NUP58: variants seen among roughly 807,000 people sequenced by gnomAD.
NUP58 encodes nucleoporin 58.
Under a neutral mutation model 70.1 loss-of-function variants are expected in NUP58, and 17 were observed. That is an observed-to-expected ratio of 0.24 (90% CI 0.17 to 0.36). The LOEUF (loss-of-function observed/expected upper bound fraction) is 0.36. NUP58 is among the 10% of genes least tolerant of loss of function. The pLI is 1.00. For synonymous variants in NUP58, 275 were observed against 257.6 expected, an observed-to-expected ratio of 1.07 and a Z score of -0.65; for missense variants, 644 against 701.5, an observed-to-expected ratio of 0.92 and a Z score of 0.93.
rs536575946 is a variant in NUP58, at chr13:25,319,292, A to G, written c.686-34A>G. ...TTTGGAGTATGTTGTTCAATTACCA[A>G]TTTTTTTTACGTGAAGCTTCTTGAA... On this transcript the variant is annotated intron_variant, in intron 6 of 15. Transcript: ENST00000381736. 27 of 1,594,498 alleles carry G rather than the reference A, an allele frequency of 1.7e-5. No homozygotes were observed. The Middle Eastern group carries it at 5.0e-4, about 29-fold the overall frequency.
chr13:25,324,659 A>G (rs763249750), intron 9 of NUP58, among the ~76,000 whole-genome samples: 1 of 152,178 alleles, frequency 6.6e-6, no homozygotes, highest in Non-Finnish European at 1.5e-5. Flanking sequence ...AAAAAAAAAA[A>G]GTATTTTCTG....
At chr13:25,309,476 G>A (rs762262142) in intron 3 of NUP58, 194 bp downstream of exon 3, 6 of 455,840 alleles carry the variant, frequency 1.3e-5, no homozygotes, top group Admixed American at 4.2e-5. Context: ...ACTTCGTAGA[G>A]TACTTTTATA....
Position 25,320,174 on chromosome 13 carries a change from TGTCA to T in NUP58, c.711-350_711-347del, listed in dbSNP as rs767767582. On this transcript the variant is annotated intron_variant, in intron 7 of 15. Coordinates refer to ENST00000381736, the MANE Select transcript of NUP58 (RefSeq NM_014089.4). ...ATTAATATTTTGGAATGGAATAAAT[TGTCA>T]GTCAGAATCTTTAAGCCAGAGGGAA... 8.5e-4 allele frequency: 142 copies of T among 166,260 alleles called. 1 individual carries two copies. The highest frequency in any genetic ancestry group is 1.5e-3 in the Non-Finnish European group (119 of 77,806). 10.3% of individuals were successfully genotyped at this position (166,260 alleles called of 1,614,324 possible). A position where few individuals can be genotyped will look rare whatever the true frequency, so the allele number is the denominator to read the frequency against.
At chr13:25,315,270 A>G (rs2030872449) in intron 5 of NUP58, 87 bp from the exon 6 acceptor site, 1 of 916,684 alleles carries the variant, frequency 1.1e-6, no homozygotes, top group East Asian at 2.5e-5. Context: ...CTAGGATCCA[A>G]CTTTAAAAGC....
intron 1 of NUP58, among the ~76,000 whole-genome samples, chr13:25,305,075 A>T (rs1182642107): frequency 6.6e-6 from 1 of 150,850 alleles, no homozygotes; most frequent in East Asian, 1.9e-4. Context: ...GATTGTAGCA[A>T]TATGTTGTTA....
In NUP58 at chr13:25,340,352, C is replaced by G. The variant is rs117496748; in HGVS notation, c.*218C>G. 2,740 of 436,376 alleles carry G rather than the reference C, an allele frequency of 6.3e-3. 20 individuals carry two copies. Among genetic ancestry groups the G allele is most frequent in the Non-Finnish European group, 7.1e-3 (1,789 of 252,402 alleles). The allele number at this position is 436,376 out of a possible 1,614,324, so 27.0% of individuals were successfully genotyped here. On this transcript the variant is annotated 3_prime_UTR_variant, in exon 16 of 16. Transcript: ENST00000381736. Reference sequence around the variant, plus strand: ...GCTGTGTTTTCTTTTTAATTTGATTCTCAGTGTAAGAAATGTTCTGATTAC... The same window carrying G: ...GCTGTGTTTTCTTTTTAATTTGATTGTCAGTGTAAGAAATGTTCTGATTAC...
chr13:25,325,187 C>T, intron 10 of NUP58, 119 bp downstream of exon 10: 1 of 676,694 alleles, frequency 1.5e-6, no homozygotes, highest in South Asian at 1.9e-5. Context: ...CCAATAAGCA[C>T]TTTACATGGA....
Position 25,341,209 on chromosome 13 carries a change from A to G in NUP58, c.*1075A>G, listed in dbSNP as rs779067658. Reference sequence around the variant, plus strand: ...GCTCCTCCAAATGAGGAATGCTGTAAGTAAGACTCATCAAACAGATTTTAA... The same window carrying G: ...GCTCCTCCAAATGAGGAATGCTGTAGGTAAGACTCATCAAACAGATTTTAA... On this transcript the variant is annotated 3_prime_UTR_variant, in exon 16 of 16. Coordinates refer to ENST00000381736, the MANE Select transcript of NUP58 (RefSeq NM_014089.4). 3 of 152,436 alleles carry G rather than the reference A, an allele frequency of 2.0e-5. No individual in the cohort carries two copies. The highest frequency in any genetic ancestry group is 4.4e-5 in the Non-Finnish European group (3 of 68,028). The allele number at this position is 152,436 out of a possible 1,614,324, so 9.4% of individuals were successfully genotyped here. A position where few individuals can be genotyped will look rare whatever the true frequency, so the allele number is the denominator to read the frequency against.
intron 1 of NUP58, among the ~76,000 whole-genome samples, chr13:25,305,435 G>A (rs2030299663): frequency 6.6e-6 from 1 of 152,118 alleles, no homozygotes; most frequent in African/African-American, 2.4e-5. Flanking sequence ...CTCCCAAAGT[G>A]CTGGGATTAC....
intron 1 of NUP58, among the ~76,000 whole-genome samples, chr13:25,302,385 GT>G (rs1016927197): frequency 1.3e-5 from 2 of 152,024 alleles, no homozygotes; most frequent in African/African-American, 4.8e-5. Context: ...GACCTTATCT[GT>G]TTTTGTTAAA....
chr13:25,311,045 A>G (rs974696430), intron 3 of NUP58, among the ~76,000 whole-genome samples: 2 of 152,176 alleles, frequency 1.3e-5, no homozygotes, highest in Non-Finnish European at 2.9e-5. Context: ...GTCCTAAAAG[A>G]TGTAGAGGCA....
At chr13:25,336,312 T>A (rs1256114598) in intron 13 of NUP58, 6 of 1,212,820 alleles carry the variant, frequency 4.9e-6, no homozygotes, top group Non-Finnish European at 5.7e-6. Flanking sequence ...ATTGATTTGC[T>A]TTACAATGAA....
chr13:25,339,673 TTTAA>T (rs2031896498), intron 15 of NUP58, among the ~76,000 whole-genome samples: 1 of 152,200 alleles, frequency 6.6e-6, no homozygotes, highest in African/African-American at 2.4e-5. Context: ...CCTTGACATA[TTTAA>T]TTAACAGGAA....
At chr13:25,325,425 A>G (rs1229061579) in intron 10 of NUP58, among the ~76,000 whole-genome samples, 2 of 152,214 alleles carry the variant, frequency 1.3e-5, no homozygotes, top group Non-Finnish European at 2.9e-5. Context: ...ATTAGAAAAT[A>G]TACATAAGTA....
At chr13:25,348,720 T>G (rs547559824) in intron 3 of NUP58, among the ~76,000 whole-genome samples, 1 of 152,368 alleles carries the variant, frequency 6.6e-6, no homozygotes, top group African/African-American at 2.4e-5. Flanking sequence ...TTAATTTGCT[T>G]CTTTTTGCCT....
rs546420881 is a variant in NUP58 at position 25,327,966 on chromosome 13, C to T, written c.1233+454C>T. 3.2e-3 allele frequency among the ~76,000 whole-genome samples: 483 copies of T among 152,066 alleles called. 1 individual carries two copies. The highest frequency in any genetic ancestry group is 0.013 in the South Asian group (62 of 4,806). On this transcript the variant is annotated intron_variant, in intron 12 of 15. Transcript: ENST00000381736. The stretch of plus-strand genomic sequence containing the variant: ...CTGTAATCCCAGCACTTTGGGAGGC[C>T]GAGGCGGGCGAATCACAAAGTCAGG...
At chr13:25,336,447 A>G in intron 13 of NUP58, 3 of 438,268 alleles carry the variant, frequency 6.8e-6, no homozygotes, top group South Asian at 6.7e-5. Flanking sequence ...ATAACATGAT[A>G]GTTTTGCCAT....
At chr13:25,344,226 G>A (rs990568499), downstream of NUP58, among the ~76,000 whole-genome samples, 2 of 152,020 alleles carry the variant, frequency 1.3e-5, no homozygotes, top group Non-Finnish European at 2.9e-5. Context: ...TAGATAATAG[G>A]TATTAATATT....
At position 25,331,708 on chromosome 13, in the gene NUP58, A is replaced by G. The variant is rs772063763; in HGVS notation, c.1435+150A>G. 412 of 1,441,610 alleles carry G rather than the reference A, an allele frequency of 2.9e-4. 1 individual carries two copies. Among genetic ancestry groups the G allele is most frequent in the Non-Finnish European group, 3.5e-4 (381 of 1,096,910 alleles). The allele number at this position is 1,441,610 out of a possible 1,614,324, so 89.3% of individuals were successfully genotyped here. A position where few individuals can be genotyped will look rare whatever the true frequency, so the allele number is the denominator to read the frequency against. On this transcript the variant is annotated intron_variant, in intron 13 of 15. Transcript: ENST00000381736. ...CTAAAATTGTGATGGACACGATTAT[A>G]AACATACCTGATAAAAAAGGCAGGG... is the stretch of plus-strand genomic sequence containing the variant.
Sources: allele counts gnomAD v4.1 joint callset (sites outside exome capture counted in the v4.1 genomes callset), GRCh38; gene constraint gnomAD v4.1.1; transcripts MANE v1.5; gene names NCBI Gene and HGNC (gene_info 2026-07-23, HGNC 2026-07-21).